Variants in F2RL1 observed in about 807,000 individuals in gnomAD.
F2RL1 encodes the protein proteinase-activated receptor 2.
F2RL1 carries 16 observed loss-of-function variants against 21.7 expected under a neutral mutation model. The ratio of observed to expected loss-of-function variants is 0.74; its 90% CI spans 0.50 to 1.12. The LOEUF is 1.12. Among genes scored for constraint, F2RL1 ranks in the 50% most tolerant of loss-of-function variants. F2RL1 has a pLI of 0.00. For synonymous variants in F2RL1, 181 were observed against 186.7 expected, an observed-to-expected ratio of 0.97 and a Z score of 0.25; for missense variants, 432 against 477.8, an observed-to-expected ratio of 0.90 and a Z score of 0.89.
In F2RL1 at chr5:76,833,800, G is replaced by C. The variant is rs1750405705; in HGVS notation, c.1193G>C (p.Ter398SerextTer72). Reference sequence around the variant, plus strand: ...TCAACCACTGTTAAGACCTCCTATTGAGTTTTCCAGGTCCTCAGATGGGAA... The same window carrying C: ...TCAACCACTGTTAAGACCTCCTATTCAGTTTTCCAGGTCCTCAGATGGGAA... ...SSSTTVKTSY[*>S] is the part of the protein sequence containing the mutation. The change falls in exon 2 of 2, where the codon TGA (stop) becomes TCA (serine). Residue 398 changes from the stop codon to serine (S), a stop_lost. Transcript: ENST00000296677. 2.5e-6 allele frequency: 4 copies of C among 1,611,438 alleles called. No individual in the cohort carries two copies. Among genetic ancestry groups the C allele is most frequent in the Non-Finnish European group, 3.4e-6 (4 of 1,178,246 alleles).
At position 76,833,197 on chromosome 5, in the gene F2RL1, C is replaced by T; in HGVS notation, c.590C>T (p.Ala197Val). The change falls in exon 2 of 2, where the codon GCA becomes GTA. Residue 197 changes from alanine to valine, a missense_variant. Physicochemically the swap from Ala to Val is moderately conservative, Grantham distance 64 (BLOSUM62 0). Transcript: ENST00000296677. The part of the protein sequence containing the change: ...KANIAIGISL[A>V]IWLLILLVTI... ...AACATTGCCATTGGCATCTCCCTGGCAATATGGCTGCTGATTCTGCTGGTC... is the reference window on the plus strand; with the variant it reads ...AACATTGCCATTGGCATCTCCCTGGTAATATGGCTGCTGATTCTGCTGGTC... 6.2e-7 allele frequency: 1 copy of T among 1,613,938 alleles called. No homozygotes were observed. The highest frequency in any genetic ancestry group is 1.7e-5 in the Admixed American group (1 of 60,002).
At chr5:76,826,061 A>G (rs1184051603) in intron 1 of F2RL1, among the ~76,000 whole-genome samples, 1 of 152,148 alleles carries the variant, frequency 6.6e-6, no homozygotes, top group African/African-American at 2.4e-5. Context: ...AACTTCAATA[A>G]TTATTAACTG....
At chr5:76,822,371 C>T (rs187826442) in intron 1 of F2RL1, among the ~76,000 whole-genome samples, 14 of 152,252 alleles carry the variant, frequency 9.2e-5, no homozygotes, top group Admixed American at 4.6e-4. Flanking sequence ...GCGCACACCA[C>T]CACATCCAAC....
Position 76,833,742 on chromosome 5 carries a change from C to T in F2RL1, c.1135C>T (p.His379Tyr), listed in dbSNP as rs376878559. Residue 379 changes from histidine to tyrosine, a missense_variant, in exon 2 of 2, where the codon CAC becomes TAC. Coordinates refer to ENST00000296677, the MANE Select transcript of F2RL1 (RefSeq NM_005242.6). ...GCAAGTATCCCTCACCTCAAAGAAA[C>T]ACTCCAGGAAATCCAGCTCTTACTC... is the stretch of plus-strand genomic sequence containing the variant. Reference protein sequence around the residue: ...QMQVSLTSKKHSRKSSSYSSS... With the variant: ...QMQVSLTSKKYSRKSSSYSSS... 8.1e-6 allele frequency: 13 copies of T among 1,613,924 alleles called. No individual in the cohort carries two copies. The highest frequency in any genetic ancestry group is 1.0e-5 in the Non-Finnish European group (12 of 1,180,034).
chr5:76,827,992 C>T (rs370585305), intron 1 of F2RL1, among the ~76,000 whole-genome samples: 1 of 151,990 alleles, frequency 6.6e-6, no homozygotes, highest in Non-Finnish European at 1.5e-5. Context: ...TTTAAATAGA[C>T]ATGGTTTCAC....
chr5:76,823,346 G>A (rs539860478), intron 1 of F2RL1, among the ~76,000 whole-genome samples: 3 of 150,472 alleles, frequency 2.0e-5, no homozygotes, highest in South Asian at 4.2e-4. Context: ...ACAACTTCTC[G>A]GGTTTTGTTT....
At chr5:76,820,650 A>T (rs531557613) in intron 1 of F2RL1, among the ~76,000 whole-genome samples, 5 of 152,324 alleles carry the variant, frequency 3.3e-5, no homozygotes, top group East Asian at 1.9e-4. Flanking sequence ...AAAAAAATAC[A>T]TGTTGGTATA....
At chr5:76,830,252 C>T (rs766300947) in intron 1 of F2RL1, among the ~76,000 whole-genome samples, 5 of 152,116 alleles carry the variant, frequency 3.3e-5, no homozygotes, top group Non-Finnish European at 5.9e-5. Context: ...TCCTTTTCTG[C>T]GTGTTGCAGA....
Position 76,833,512 on chromosome 5 carries a change from C to T in F2RL1, c.905C>T (p.Pro302Leu). The T allele has an allele frequency of 6.2e-7, 1 of 1,613,834 alleles. No individual in the cohort carries two copies. Among genetic ancestry groups the T allele is most frequent in the Non-Finnish European group, 8.5e-7 (1 of 1,180,008 alleles). The change falls in exon 2 of 2, where the codon CCT (proline) becomes CTT (leucine). Residue 302 changes from proline (P) to leucine (L), a missense_variant. By Grantham distance (98) the Pro-to-Leu change is moderately conservative. Coordinates refer to ENST00000296677, the MANE Select transcript of F2RL1 (RefSeq NM_005242.6). ...VLAMYLICFT[P>L]SNLLLVVHYF... ...GCCATGTACCTGATCTGCTTCACTCCTAGTAACCTTCTGCTTGTGGTGCAT... is the reference window on the plus strand; with the variant it reads ...GCCATGTACCTGATCTGCTTCACTCTTAGTAACCTTCTGCTTGTGGTGCAT...
chr5:76,833,479 C>T lies in F2RL1; in HGVS notation c.872C>T (p.Thr291Ile), dbSNP rs1370353938. 2 of 1,613,804 alleles carry T rather than the reference C, an allele frequency of 1.2e-6. No homozygotes were observed. Among genetic ancestry groups the T allele is most frequent in the African/African-American group, 2.7e-5 (2 of 74,832 alleles). The change falls in exon 2 of 2, where the codon ACT becomes ATT. Residue 291 changes from threonine to isoleucine, a missense_variant. By Grantham distance (89) the Thr-to-Ile change is moderately conservative. Transcript: ENST00000296677. ...KRKRAIKLIV[T>I]VLAMYLICFT... ...AAGAGGGCCATCAAACTCATTGTCA[C>T]TGTCCTGGCCATGTACCTGATCTGC...
rs527861025 is a variant in F2RL1 at position 76,824,349 on chromosome 5, C to G, written c.82+5085C>G. Among the ~76,000 whole-genome samples, 4 of 150,444 alleles carry G rather than the reference C, an allele frequency of 2.7e-5. No individual in the cohort carries two copies. In the South Asian group the frequency reaches 8.5e-4, roughly 32 times the overall value. On this transcript the variant is annotated intron_variant, in intron 1 of 1. Coordinates refer to ENST00000296677, the MANE Select transcript of F2RL1 (RefSeq NM_005242.6). ...CCCTCTTCCCGCCCATCCCCGAACCCCAGATGAAGTCTTGCTCTGTCACCC... is the reference window on the plus strand; with the variant it reads ...CCCTCTTCCCGCCCATCCCCGAACCGCAGATGAAGTCTTGCTCTGTCACCC...
At chr5:76,821,103 A>T (rs1362285369) in intron 1 of F2RL1, among the ~76,000 whole-genome samples, 1 of 152,152 alleles carries the variant, frequency 6.6e-6, no homozygotes. Flanking sequence ...TTTCTTCCCA[A>T]AGCCTCACTC....
At chr5:76,831,700 G>T (rs533789387) in intron 1 of F2RL1, among the ~76,000 whole-genome samples, 4 of 152,116 alleles carry the variant, frequency 2.6e-5, no homozygotes, top group African/African-American at 9.6e-5. Flanking sequence ...GCTAATTTTT[G>T]TATTTTTAAC....
At chr5:76,820,669 A>C (rs956770975) in intron 1 of F2RL1, among the ~76,000 whole-genome samples, 2 of 152,222 alleles carry the variant, frequency 1.3e-5, no homozygotes, top group African/African-American at 4.8e-5. Context: ...TAGCTGATTC[A>C]ACATCTTTAT....
At chr5:76,821,416 A>T (rs1750133902) in intron 1 of F2RL1, among the ~76,000 whole-genome samples, 1 of 152,058 alleles carries the variant, frequency 6.6e-6, no homozygotes, top group South Asian at 2.1e-4. Context: ...TGCCCAGAGT[A>T]CCCTGGCTGG....
At chr5:76,824,340 C>T (rs2150605271) in intron 1 of F2RL1, among the ~76,000 whole-genome samples, 2 of 149,798 alleles carry the variant, frequency 1.3e-5, no homozygotes, top group Middle Eastern at 3.5e-3. Flanking sequence ...TCCCGCCCAT[C>T]CCCGAACCCC....
chr5:76,821,166 G>A (rs1361580791), intron 1 of F2RL1, among the ~76,000 whole-genome samples: 1 of 152,162 alleles, frequency 6.6e-6, no homozygotes, highest in African/African-American at 2.4e-5. Context: ...CCTTCTCAGG[G>A]TACAGGTGAA....
At chr5:76,819,398 C>T (rs1750086367) in intron 1 of F2RL1, 134 bp downstream of exon 1, 1 of 754,712 alleles carries the variant, frequency 1.3e-6, no homozygotes, top group Non-Finnish European at 2.0e-6. Context: ...AATCCCTTAG[C>T]CTCCCCTTGG....
chr5:76,827,827 G>A (rs1750272394), intron 1 of F2RL1, among the ~76,000 whole-genome samples: 2 of 150,996 alleles, frequency 1.3e-5, no homozygotes, highest in African/African-American at 4.9e-5. Flanking sequence ...TCAAAACCCC[G>A]ACCTCGTGAT....
Sources: allele counts gnomAD v4.1 joint callset (sites outside exome capture counted in the v4.1 genomes callset), GRCh38; gene constraint gnomAD v4.1.1; transcripts MANE v1.5; gene names NCBI Gene and HGNC (gene_info 2026-07-23, HGNC 2026-07-21).